Variants in CTNNA2 observed in about 807,000 individuals in gnomAD.
CTNNA2 encodes catenin alpha-2.
A neutral mutation model predicts 101.0 loss-of-function variants in CTNNA2; 42 were observed. The observed-to-expected ratio is 0.42, with a 90% CI of 0.32 to 0.54. CTNNA2 has a LOEUF of 0.54. Among genes scored for constraint, CTNNA2 ranks in the 20% least tolerant of loss-of-function variants. CTNNA2 has a pLI of 0.14. For synonymous variants in CTNNA2, 450 were observed against 456.4 expected, an observed-to-expected ratio of 0.99 and a Z score of 0.18; for missense variants, 871 against 1,223.1, an observed-to-expected ratio of 0.71 and a Z score of 4.29.
At chr2:79,995,409 C>A (rs1439417388) in intron 7 of CTNNA2, among the ~76,000 whole-genome samples, 2 of 152,110 alleles carry the variant, frequency 1.3e-5, no homozygotes, top group Admixed American at 6.6e-5. Context: ...TTCTTTGCAG[C>A]CATCTAGCAT....
intron 2 of CTNNA2, among the ~76,000 whole-genome samples, chr2:79,700,826 C>T (rs1684954773): frequency 6.6e-6 from 1 of 152,192 alleles, no homozygotes. Flanking sequence ...TACCCTCAGT[C>T]AGCCACTTCG....
chr2:80,635,070 G>A (rs1235830360), intron 18 of CTNNA2, among the ~76,000 whole-genome samples: 2 of 152,114 alleles, frequency 1.3e-5, no homozygotes, highest in Non-Finnish European at 2.9e-5. Flanking sequence ...GCAAGAACCT[G>A]AAGTATAATT....
At chr2:79,971,602 G>T (rs560101499) in intron 7 of CTNNA2, among the ~76,000 whole-genome samples, 16 of 152,084 alleles carry the variant, frequency 1.1e-4, no homozygotes, top group African/African-American at 2.4e-5. Context: ...TGGCTTTAAC[G>T]TATTGTCTTA....
chr2:80,153,723 A>G (rs1703841590), intron 7 of CTNNA2, among the ~76,000 whole-genome samples: 1 of 152,166 alleles, frequency 6.6e-6, no homozygotes, highest in South Asian at 2.1e-4. Flanking sequence ...AACAACAACA[A>G]CAATATTCAA....
At chr2:79,288,367 C>T (rs1675683512) in intron 2 of CTNNA2, among the ~76,000 whole-genome samples, 1 of 152,200 alleles carries the variant, frequency 6.6e-6, no homozygotes, top group Non-Finnish European at 1.5e-5. Flanking sequence ...GTGAATAAAA[C>T]TAAAATGTAT....
intron 1 of CTNNA2, among the ~76,000 whole-genome samples, chr2:79,187,302 C>T (rs1398983271): frequency 1.9e-5 from 2 of 103,314 alleles, no homozygotes; most frequent in African/African-American, 3.7e-5. Context: ...CAGAGTCTCA[C>T]TCTGTCGCGC....
intron 4 of CTNNA2, among the ~76,000 whole-genome samples, chr2:79,378,771 T>C (rs1424751259): frequency 1.3e-5 from 2 of 152,152 alleles, no homozygotes; most frequent in African/African-American, 4.8e-5. Context: ...AAAAATCCTT[T>C]TGGGAGCTCA....
At chr2:79,983,602 C>T (rs1691548434) in intron 7 of CTNNA2, among the ~76,000 whole-genome samples, 1 of 152,096 alleles carries the variant, frequency 6.6e-6, no homozygotes, top group Non-Finnish European at 1.5e-5. Flanking sequence ...TTGGAGTCTT[C>T]AAAGAATAGA....
At chr2:79,209,872 T>C (rs1251253268) in intron 2 of CTNNA2, among the ~76,000 whole-genome samples, 3 of 113,722 alleles carry the variant, frequency 2.6e-5, no homozygotes, top group Non-Finnish European at 5.4e-5. Context: ...GTTGGGACAC[T>C]GATGACTCTA....
chr2:79,994,227 A>T (rs1160112003), intron 7 of CTNNA2, among the ~76,000 whole-genome samples: 1 of 152,152 alleles, frequency 6.6e-6, no homozygotes, highest in Admixed American at 6.5e-5. Context: ...AAAAGAGTTT[A>T]TTATGGTTTA....
intron 7 of CTNNA2, among the ~76,000 whole-genome samples, chr2:80,053,475 C>T (rs1029151464): frequency 6.6e-6 from 1 of 152,188 alleles, no homozygotes; most frequent in African/African-American, 2.4e-5. Flanking sequence ...AATTTTGTTA[C>T]GTGGTGTAAT....
At chr2:79,481,489 A>G (rs1022580302) in intron 4 of CTNNA2, among the ~76,000 whole-genome samples, 18 of 152,164 alleles carry the variant, frequency 1.2e-4, no homozygotes, top group Non-Finnish European at 1.2e-4. Flanking sequence ...GAGGCAAAAA[A>G]AAAGAAGTTT....
chr2:80,500,673 A>G (rs1026760479), intron 9 of CTNNA2, among the ~76,000 whole-genome samples: 3 of 151,924 alleles, frequency 2.0e-5, no homozygotes, highest in African/African-American at 7.3e-5. Flanking sequence ...CCTTTTCCCC[A>G]CTTTCTCTCT....
intron 1 of CTNNA2, among the ~76,000 whole-genome samples, chr2:79,605,751 GATA>G (rs1033996163): frequency 6.6e-6 from 1 of 151,604 alleles, no homozygotes; most frequent in South Asian, 2.1e-4. Flanking sequence ...AAATAATGAT[GATA>G]ATAATAATAA....
intron 7 of CTNNA2, among the ~76,000 whole-genome samples, chr2:80,199,710 T>C (rs951894251): frequency 3.3e-5 from 5 of 152,118 alleles, no homozygotes; most frequent in African/African-American, 1.2e-4. Flanking sequence ...AAGCACAAGG[T>C]GGGTATTTGT....
At chr2:80,114,664 A>C (rs79523256) in intron 7 of CTNNA2, among the ~76,000 whole-genome samples, 2,655 of 152,286 alleles carry the variant, frequency 0.017, 69 homozygotes, top group African/African-American at 0.059. Flanking sequence ...GTTGGATAGA[A>C]GCTACATTGC....
chr2:80,601,140 C>A (rs1044967423), intron 15 of CTNNA2, among the ~76,000 whole-genome samples: 2 of 152,116 alleles, frequency 1.3e-5, no homozygotes, highest in Non-Finnish European at 2.9e-5. Context: ...ACAAATAATT[C>A]TCGTATGTAT....
intron 5 of CTNNA2, among the ~76,000 whole-genome samples, chr2:79,871,211 A>G (rs1404145559): frequency 1.3e-5 from 2 of 152,158 alleles, no homozygotes; most frequent in Non-Finnish European, 2.9e-5. Context: ...CATTTATTGA[A>G]TGTTCATTCT....
chr2:79,547,483 C>T (rs1004212813), intron 1 of CTNNA2: 2 of 152,548 alleles, frequency 1.3e-5, no homozygotes, highest in Non-Finnish European at 2.9e-5. Context: ...ATTCATATGG[C>T]TTCTCTCCAG....
Sources: allele counts gnomAD v4.1 joint callset (sites outside exome capture counted in the v4.1 genomes callset), GRCh38; gene constraint gnomAD v4.1.1; transcripts MANE v1.5; gene names NCBI Gene and HGNC (gene_info 2026-07-23, HGNC 2026-07-21).